Variants in TMEM45A observed in about 807,000 individuals in gnomAD.
TMEM45A encodes the protein DNA polymerase-transactivated protein 4.
In TMEM45A, 25 loss-of-function variants were observed where a neutral mutation model predicts 32.0. The observed-to-expected ratio is 0.78, with a 90% CI of 0.57 to 1.09. TMEM45A has a LOEUF of 1.09. Among genes scored for constraint, TMEM45A ranks in the 50% least tolerant of loss-of-function variants. TMEM45A has a pLI of 0.00. For missense variants in TMEM45A, 302 were observed against 325.0 expected, an observed-to-expected ratio of 0.93 and a Z score of 0.54; for synonymous variants, 122 against 114.8, an observed-to-expected ratio of 1.06 and a Z score of -0.40.
chr3:100,559,009 A>T (rs529844155), intron 4 of TMEM45A, among the ~76,000 whole-genome samples: 56 of 152,336 alleles, frequency 3.7e-4, no homozygotes, highest in Middle Eastern at 3.4e-3. Context: ...TTTTCCTTGC[A>T]ACAGCCTGGA....
chr3:100,531,747 T>C (rs1705652603), intron 1 of TMEM45A, among the ~76,000 whole-genome samples: 1 of 152,258 alleles, frequency 6.6e-6, no homozygotes, highest in African/African-American at 2.4e-5. Context: ...ATTTGGGGCA[T>C]ACAGTAATTA....
intron 1 of TMEM45A, among the ~76,000 whole-genome samples, chr3:100,515,022 G>A (rs1464375132): frequency 6.7e-6 from 1 of 150,266 alleles, no homozygotes; most frequent in Non-Finnish European, 1.5e-5. Context: ...CTTTTACACT[G>A]TTGGTGGGAC....
chr3:100,539,283 A>G (rs1051480616), intron 1 of TMEM45A, among the ~76,000 whole-genome samples: 3 of 152,168 alleles, frequency 2.0e-5, no homozygotes, highest in African/African-American at 7.2e-5. Context: ...TAGATAGCCC[A>G]GAAATTTACC....
intron 1 of TMEM45A, among the ~76,000 whole-genome samples, chr3:100,547,390 G>T (rs1211975347): frequency 6.6e-6 from 1 of 152,146 alleles, no homozygotes; most frequent in Non-Finnish European, 1.5e-5. Context: ...AAAGTGCTGG[G>T]ATTACAGGTG....
intron 1 of TMEM45A, among the ~76,000 whole-genome samples, chr3:100,542,318 T>C (rs180893164): frequency 1.3e-5 from 2 of 152,318 alleles, no homozygotes; most frequent in East Asian, 3.9e-4. Context: ...TTATGTCATC[T>C]ATGATTTCAT....
chr3:100,536,342 C>T (rs1044205936), intron 1 of TMEM45A, among the ~76,000 whole-genome samples: 1 of 152,144 alleles, frequency 6.6e-6, no homozygotes, highest in Admixed American at 6.5e-5. Context: ...GTCTGTATTT[C>T]CAACCAGCTC....
intron 1 of TMEM45A, among the ~76,000 whole-genome samples, chr3:100,540,277 G>A (rs1456258531): frequency 1.3e-5 from 2 of 152,052 alleles, no homozygotes; most frequent in Middle Eastern, 3.4e-3. Flanking sequence ...CACAGACTGG[G>A]GAAAATGTTT....
At chr3:100,500,373 C>G (rs1707992294) in intron 1 of TMEM45A, among the ~76,000 whole-genome samples, 1 of 151,964 alleles carries the variant, frequency 6.6e-6, no homozygotes, top group Admixed American at 6.6e-5. Context: ...AAAGAATGTT[C>G]TTTTTCTATA....
At chr3:100,545,547 G>T (rs2148970807) in intron 1 of TMEM45A, among the ~76,000 whole-genome samples, 1 of 152,210 alleles carries the variant, frequency 6.6e-6, no homozygotes, top group South Asian at 2.1e-4. Flanking sequence ...TATGTCTAGG[G>T]TGACTCCTTT....
chr3:100,508,459 A>T (rs1040032398), intron 1 of TMEM45A, among the ~76,000 whole-genome samples: 2 of 152,190 alleles, frequency 1.3e-5, no homozygotes, highest in Non-Finnish European at 2.9e-5. Flanking sequence ...AGAAAACACA[A>T]TGCTAAAAAT....
intron 1 of TMEM45A, among the ~76,000 whole-genome samples, chr3:100,540,042 G>C (rs1372415034): frequency 6.6e-6 from 1 of 151,942 alleles, no homozygotes; most frequent in Non-Finnish European, 1.5e-5. Context: ...GTTGCTCTTG[G>C]GTGTGGAAAA....
intron 1 of TMEM45A, among the ~76,000 whole-genome samples, chr3:100,539,496 C>CGTATATGTATAT (rs1559644621): frequency 2.8e-5 from 3 of 106,918 alleles, no homozygotes; most frequent in African/African-American, 9.7e-5. Context: ...TATATGTATA[C>CGTATATGTATAT]GTATACGTAT....
At chr3:100,507,717 T>G (rs1218982733) in intron 1 of TMEM45A, among the ~76,000 whole-genome samples, 1 of 152,056 alleles carries the variant, frequency 6.6e-6, no homozygotes, top group Non-Finnish European at 1.5e-5. Flanking sequence ...ACAATTCACT[T>G]ACAGTTTTTA....
Position 100,568,928 on chromosome 3 carries a change from C to A in TMEM45A, c.695C>A (p.Thr232Asn). 1.2e-6 allele frequency: 2 copies of A among 1,613,522 alleles called. No individual in the cohort carries two copies. Among genetic ancestry groups the A allele is most frequent in the South Asian group, 2.2e-5 (2 of 90,964 alleles). ...TGCTTTTGTTGGCATTATGCAGTAACCATTGTCATCGTTGGAATGAATTAT... is the reference window on the plus strand; with the variant it reads ...TGCTTTTGTTGGCATTATGCAGTAAACATTGTCATCGTTGGAATGAATTAT... ...TICFCWHYAV[T>N]IVIVGMNYAF... The change falls in exon 5 of 6, where the codon ACC (threonine) becomes AAC (asparagine). Residue 232 changes from threonine to asparagine, a missense_variant. Physicochemically the swap from Thr to Asn is moderately conservative, Grantham distance 65 (BLOSUM62 0). Coordinates refer to ENST00000323523, the MANE Select transcript of TMEM45A (RefSeq NM_018004.3).
chr3:100,557,766 C>T (rs577464604), intron 3 of TMEM45A, among the ~76,000 whole-genome samples: 9 of 152,082 alleles, frequency 5.9e-5, no homozygotes, highest in East Asian at 5.8e-4. Context: ...AGGGGGTTAC[C>T]GTATTTTTGT....
At chr3:100,564,369 T>A (rs947918769) in intron 4 of TMEM45A, among the ~76,000 whole-genome samples, 2 of 152,246 alleles carry the variant, frequency 1.3e-5, no homozygotes, top group Non-Finnish European at 1.5e-5. Context: ...ACAGGCCTAA[T>A]GTTGCCAGAT....
At chr3:100,554,380 C>A (rs1706171114) in intron 1 of TMEM45A, among the ~76,000 whole-genome samples, 1 of 152,178 alleles carries the variant, frequency 6.6e-6, no homozygotes, top group African/African-American at 2.4e-5. Context: ...CTTACAAAAT[C>A]TGAAGCAGGC....
Position 100,557,036 on chromosome 3 carries a change from T to G in TMEM45A, c.403+64T>G, listed in dbSNP as rs985897463. On this transcript the variant is annotated intron_variant, in intron 3 of 5. Coordinates refer to ENST00000323523, the MANE Select transcript of TMEM45A (RefSeq NM_018004.3). ...TAGTGAGCATTTATGTAGCCCTTCA[T>G]ATTAATATACCTCTGGCATCTTGTT... The G allele has an allele frequency of 5.3e-6, 8 of 1,497,234 alleles. No homozygotes were observed. In the South Asian group the frequency reaches 7.9e-5, roughly 15 times the overall value. The allele number at this position is 1,497,234 out of a possible 1,614,324, so 92.7% of individuals were successfully genotyped here.
intron 3 of TMEM45A, 149 bp downstream of exon 3, chr3:100,557,121 G>T (rs935316998): frequency 9.4e-6 from 8 of 849,824 alleles, no homozygotes; most frequent in East Asian, 2.6e-5. Flanking sequence ...GGTGTCCTAG[G>T]CAGGGCGCCA....
Sources: allele counts gnomAD v4.1 joint callset (sites outside exome capture counted in the v4.1 genomes callset), GRCh38; gene constraint gnomAD v4.1.1; transcripts MANE v1.5; gene names NCBI Gene and HGNC (gene_info 2026-07-23, HGNC 2026-07-21).